The following CDC23 variants were observed in gnomAD, a reference collection of about 807,000 sequenced individuals.
CDC23 encodes cell division cycle protein 23 homolog.
Under a neutral mutation model 81.7 loss-of-function variants are expected in CDC23, and 26 were observed. The ratio of observed to expected loss-of-function variants is 0.32; its 90% CI spans 0.23 to 0.44. The LOEUF (loss-of-function observed/expected upper bound fraction) is 0.44. Among genes scored for constraint, CDC23 ranks in the 20% least tolerant of loss-of-function variants. The pLI, the probability that CDC23 is intolerant of heterozygous loss-of-function variation, is 1.00. For missense variants in CDC23, 519 were observed against 728.0 expected, an observed-to-expected ratio of 0.71 and a Z score of 3.30; for synonymous variants, 267 against 270.8, an observed-to-expected ratio of 0.99 and a Z score of 0.14.
chr5:138,195,819 A>T (rs1338786128), intron 9 of CDC23, among the ~76,000 whole-genome samples: 4 of 129,442 alleles, frequency 3.1e-5, no homozygotes, highest in Admixed American at 9.6e-5. Flanking sequence ...ATACATATAT[A>T]TAATATATAT....
At chr5:138,197,559 C>A (rs532044104) in intron 9 of CDC23, among the ~76,000 whole-genome samples, 1 of 148,412 alleles carries the variant, frequency 6.7e-6, no homozygotes, top group Non-Finnish European at 1.5e-5. Context: ...TGTAGTGGCA[C>A]GATCTTGGCT....
Position 138,213,229 on chromosome 5 carries a change from A to G in CDC23, c.84T>C (p.Asp28=). ...GCAGTTGCTTTTTAATTTCCCGCAA[A>G]TCTGAGAAATCGCTGTTTATGGACA... is the stretch of plus-strand genomic sequence containing the variant. ...PVLSINSDFS[D]LREIKKQLLL... is the part of the protein sequence containing the mutation. The change falls in exon 1 of 16, where the codon GAT becomes GAC. Residue 28 remains aspartate (D), a synonymous_variant. Transcript: ENST00000394886. 1.2e-6 allele frequency: 2 copies of G among 1,614,070 alleles called. No individual in the cohort carries two copies. Among genetic ancestry groups the G allele is most frequent in the Non-Finnish European group, 1.7e-6 (2 of 1,180,012 alleles).
chr5:138,199,347 C>G (rs750930126), intron 6 of CDC23, among the ~76,000 whole-genome samples: 5 of 152,116 alleles, frequency 3.3e-5, no homozygotes, highest in Non-Finnish European at 5.9e-5. Flanking sequence ...CCTGCAACCC[C>G]AGCACTTTGG....
chr5:138,202,029 T>G, intron 4 of CDC23, 84 bp downstream of exon 4: 2 of 920,660 alleles, frequency 2.2e-6, no homozygotes, highest in South Asian at 2.9e-5. Context: ...CTCAGACCAT[T>G]CATATTACCT....
At chr5:138,202,409 G>A (rs1210847849) in intron 3 of CDC23, among the ~76,000 whole-genome samples, 7 of 152,174 alleles carry the variant, frequency 4.6e-5, no homozygotes, top group South Asian at 2.1e-4. Flanking sequence ...TCAGCCTCCC[G>A]AGTAGCTAGG....
chr5:138,203,106 T>C (rs975809112), intron 3 of CDC23, among the ~76,000 whole-genome samples: 3 of 151,804 alleles, frequency 2.0e-5, no homozygotes, highest in African/African-American at 7.3e-5. Context: ...AAATGAAGAA[T>C]GTTCTATTAA....
intron 13 of CDC23, 100 bp downstream of exon 13, chr5:138,191,374 T>A (rs1227096996): frequency 8.3e-6 from 8 of 965,602 alleles, no homozygotes; most frequent in Middle Eastern, 2.1e-4. Context: ...CCTACACCTA[T>A]GTAGAATGAT....
rs188130109 is a variant in CDC23, at chr5:138,200,239, C to G, written c.654+868G>C. On this transcript the variant is annotated intron_variant, in intron 6 of 15. Coordinates refer to ENST00000394886, the MANE Select transcript of CDC23 (RefSeq NM_004661.4). Reference sequence around the variant, plus strand: ...CTCTGCCCCTCAAGTTCAAGTGATTCTCTTGCCTCAGCCTCCCGAGTAGCT... The same window carrying G: ...CTCTGCCCCTCAAGTTCAAGTGATTGTCTTGCCTCAGCCTCCCGAGTAGCT... 3.3e-5 allele frequency among the ~76,000 whole-genome samples: 5 copies of G among 152,248 alleles called. No individual in the cohort carries two copies. The East Asian group carries it at 9.7e-4, about 29-fold the overall frequency.
chr5:138,192,088 T>C, intron 11 of CDC23, 151 bp from the exon 12 acceptor site: 1 of 911,798 alleles, frequency 1.1e-6, no homozygotes, highest in Non-Finnish European at 1.7e-6. Flanking sequence ...TTCATAATTA[T>C]ACTATTAACC....
At chr5:138,212,919 A>C in intron 2 of CDC23, 72 bp downstream of exon 2, 1 of 1,273,238 alleles carries the variant, frequency 7.9e-7, no homozygotes, top group South Asian at 1.2e-5. Flanking sequence ...TCCTCCAGTG[A>C]CAGGGCACTC....
intron 12 of CDC23, 61 bp downstream of exon 12, chr5:138,191,801 C>T: frequency 7.5e-7 from 1 of 1,333,394 alleles, no homozygotes; most frequent in Non-Finnish European, 1.1e-6. Flanking sequence ...GCACAGATAG[C>T]CCAACCTTCA....
At position 138,188,019 on chromosome 5, in the gene CDC23, A is replaced by C. The variant is rs929193099; in HGVS notation, c.*959T>G. The C allele has an allele frequency of 1.3e-5, 2 of 152,840 alleles. No individual in the cohort carries two copies. The highest frequency in any genetic ancestry group is 2.9e-5 in the Non-Finnish European group (2 of 68,518). The allele number at this position is 152,840 out of a possible 1,614,324, so 9.5% of individuals were successfully genotyped here. On this transcript the variant is annotated 3_prime_UTR_variant, in exon 16 of 16. Transcript: ENST00000394886. ...TATAGCATATTACCTCCTGCTGTAC[A>C]CACATGCACAGGCCTGAAACTCTCC...
chr5:138,205,777 G>A (rs1466688229), intron 3 of CDC23: 1 of 150,856 alleles, frequency 6.6e-6, no homozygotes, highest in Non-Finnish European at 1.5e-5. Flanking sequence ...TACAAGCTAT[G>A]CTAATAGTTG....
chr5:138,209,778 T>C (rs1275519509), intron 2 of CDC23, among the ~76,000 whole-genome samples: 2 of 150,598 alleles, frequency 1.3e-5, no homozygotes, highest in South Asian at 2.1e-4. Context: ...GAGCCGATAT[T>C]GGGCCATTGC....
intron 2 of CDC23, among the ~76,000 whole-genome samples, chr5:138,212,040 T>G (rs1755118723): frequency 6.6e-6 from 1 of 152,214 alleles, no homozygotes; most frequent in Non-Finnish European, 1.5e-5. Flanking sequence ...TAGAAATCAT[T>G]TGCCCACATT....
intron 9 of CDC23, among the ~76,000 whole-genome samples, chr5:138,195,702 TATATACATATA>T (rs1754887936): frequency 1.5e-5 from 1 of 65,320 alleles, no homozygotes; most frequent in Non-Finnish European, 3.3e-5. Context: ...TATATATGCA[TATATACATATA>T]ATATATATGT....
intron 13 of CDC23, 92 bp downstream of exon 13, chr5:138,191,382 G>C: frequency 9.9e-7 from 1 of 1,012,276 alleles, no homozygotes; most frequent in Non-Finnish European, 1.6e-6. Context: ...TATGTAGAAT[G>C]ATGGGTGTAT....
chr5:138,205,077 G>C (rs543324747), intron 3 of CDC23, among the ~76,000 whole-genome samples: 170 of 151,308 alleles, frequency 1.1e-3, no homozygotes, highest in African/African-American at 4.0e-3. Flanking sequence ...ACCACACCTG[G>C]CTAATTATTG....
At chr5:138,196,603 T>A (rs1291439642) in intron 9 of CDC23, among the ~76,000 whole-genome samples, 1 of 145,340 alleles carries the variant, frequency 6.9e-6, no homozygotes, top group Non-Finnish European at 1.5e-5. Flanking sequence ...TTTTTTGAGA[T>A]GGAGTCTCAC....
Sources: allele counts gnomAD v4.1 joint callset (sites outside exome capture counted in the v4.1 genomes callset), GRCh38; gene constraint gnomAD v4.1.1; transcripts MANE v1.5; gene names NCBI Gene and HGNC (gene_info 2026-07-23, HGNC 2026-07-21).